ATXN10: variants seen among roughly 807,000 people sequenced by gnomAD.
ATXN10 encodes ataxin-10.
Under a neutral mutation model 52.9 loss-of-function variants are expected in ATXN10, and 28 were observed. That is an observed-to-expected ratio of 0.53 (90% confidence interval 0.39 to 0.73). ATXN10 has a LOEUF of 0.73. ATXN10 is among the 30% of genes least tolerant of loss of function. The pLI is 0.00. For missense variants in ATXN10, 565 were observed against 577.0 expected, an observed-to-expected ratio of 0.98 and a Z score of 0.21; for synonymous variants, 226 against 221.5, an observed-to-expected ratio of 1.02 and a Z score of -0.18.
At position 45,738,814 on chromosome 22, in the gene ATXN10, C is replaced by T. The variant is rs34763958; in HGVS notation, c.978C>T (p.Phe326=). 681 of 1,614,086 alleles carry T rather than the reference C, an allele frequency of 4.2e-4. No individual in the cohort carries two copies. The highest frequency in any genetic ancestry group is 1.5e-3 in the Admixed American group (91 of 60,016). The change falls in exon 8 of 12, where the codon TTC becomes TTT. Residue 326 remains phenylalanine (F), a synonymous_variant. Transcript: ENST00000252934. ...NTELLGYLQV[F]PGLLERVIDL... Reference sequence around the variant, plus strand: ...AGCTGCTCGGCTATCTGCAGGTTTTCCCTGGCTTGCTGGAAAGAGTGATTG... The same window carrying T: ...AGCTGCTCGGCTATCTGCAGGTTTTTCCTGGCTTGCTGGAAAGAGTGATTG...
intron 10 of ATXN10, among the ~76,000 whole-genome samples, chr22:45,821,122 T>C (rs980249245): frequency 6.6e-6 from 1 of 152,174 alleles, no homozygotes; most frequent in African/African-American, 2.4e-5. Context: ...AGGAAAAGCC[T>C]GTAGAAAAGT....
At position 45,805,479 on chromosome 22, in the gene ATXN10, C is replaced by T. The variant is rs1300138909; in HGVS notation, c.1174-1480C>T. ...CCATTAGTGGGTGAATGGAAAAATG[C>T]AATGTGGCATATCCGTACAATGCAC... is the stretch of plus-strand genomic sequence containing the variant. On this transcript the variant is annotated intron_variant, in intron 9 of 11. Coordinates refer to ENST00000252934, the MANE Select transcript of ATXN10 (RefSeq NM_013236.4). The surrounding 1 kb of genome is among the most constrained non-coding windows in gnomAD (Gnocchi z 4.4). Among the ~76,000 whole-genome samples the T allele has an allele frequency of 6.6e-6, 1 of 152,128 alleles. No homozygotes were observed. The highest frequency in any genetic ancestry group is 2.4e-5 in the African/African-American group (1 of 41,408).
chr22:45,804,440 C>T (rs1224904936), intron 9 of ATXN10, among the ~76,000 whole-genome samples: 1 of 152,162 alleles, frequency 6.6e-6, no homozygotes, highest in African/African-American at 2.4e-5. Flanking sequence ...TTTTTCTCTT[C>T]TTCCTGGCCT....
At chr22:45,704,745 T>C (rs993049865) in intron 5 of ATXN10, among the ~76,000 whole-genome samples, 2 of 152,206 alleles carry the variant, frequency 1.3e-5, no homozygotes, top group African/African-American at 4.8e-5. Context: ...TTTTTTTCTT[T>C]CCAGTTGGGT....
intron 3 of ATXN10, among the ~76,000 whole-genome samples, chr22:45,698,258 A>G (rs1299402633): frequency 6.6e-6 from 1 of 152,156 alleles, no homozygotes; most frequent in Non-Finnish European, 1.5e-5. Flanking sequence ...CTTTTCACCG[A>G]CACCATACGA....
rs1355465232 is a variant in ATXN10 at position 45,762,476 on chromosome 22, C to G, written c.1173+21938C>G. Among the ~76,000 whole-genome samples, 1 of 152,170 alleles carries G rather than the reference C, an allele frequency of 6.6e-6. No homozygotes were observed. Among genetic ancestry groups the G allele is most frequent in the Non-Finnish European group, 1.5e-5 (1 of 68,032 alleles). ...TGTTCTGGCTGAGTGTTGGTGGGCT[C>G]CACCCTAGCCGAACCTGTGTCTGCA... On this transcript the variant is annotated intron_variant, in intron 9 of 11. Coordinates refer to ENST00000252934, the MANE Select transcript of ATXN10 (RefSeq NM_013236.4). The surrounding 1 kb of genome is among the most constrained non-coding windows in gnomAD (Gnocchi z 4.3).
intron 10 of ATXN10, among the ~76,000 whole-genome samples, chr22:45,829,070 A>G (rs55985790): frequency 0.014 from 2,104 of 152,332 alleles, 61 homozygotes; most frequent in African/African-American, 0.048. Context: ...GGTTCAACAT[A>G]CTGAAATTGA....
rs1436832430 is a variant in ATXN10, at chr22:45,772,732, G to A, written c.1173+32194G>A. 6.6e-6 allele frequency among the ~76,000 whole-genome samples: 1 copy of A among 152,166 alleles called. No homozygotes were observed. Among genetic ancestry groups the A allele is most frequent in the African/African-American group, 2.4e-5 (1 of 41,430 alleles). On this transcript the variant is annotated intron_variant, in intron 9 of 11. Coordinates refer to ENST00000252934, the MANE Select transcript of ATXN10 (RefSeq NM_013236.4). This position sits in a 1 kb window ranked among gnomAD's most constrained non-coding sequence, Gnocchi z 4.1. ...AGATCTTCTCTGATGTCTTTCATCA[G>A]TGTTTTCTCATTTTCAGCATGTAGA...
rs565459487 is a variant in ATXN10 at position 45,826,449 on chromosome 22, G to A, written c.1238-16542G>A. On this transcript the variant is annotated intron_variant, in intron 10 of 11. Coordinates refer to ENST00000252934, the MANE Select transcript of ATXN10 (RefSeq NM_013236.4). This position sits in a 1 kb window ranked among gnomAD's most constrained non-coding sequence, Gnocchi z 5.0. ...ACGAATATATACAACCAGGAAACTC[G>A]GTGAGCTCCAAGTTAAGATGAACTC... Among the ~76,000 whole-genome samples the A allele has an allele frequency of 1.7e-3, 252 of 152,194 alleles. No homozygotes were observed. Among genetic ancestry groups the A allele is most frequent in the Middle Eastern group, 3.4e-3 (1 of 294 alleles).
intron 7 of ATXN10, chr22:45,734,449 G>C (rs938354877): frequency 4.3e-6 from 1 of 231,872 alleles, no homozygotes; most frequent in African/African-American, 2.3e-5. Flanking sequence ...ATTTATTTCT[G>C]ATGTTCTGTT....
intron 7 of ATXN10, among the ~76,000 whole-genome samples, chr22:45,735,664 A>C (rs1329321306): frequency 6.6e-6 from 1 of 152,196 alleles, no homozygotes; most frequent in South Asian, 2.1e-4. Context: ...CTGTATTAAT[A>C]TAAGTTTTCT....
Position 45,818,950 on chromosome 22 carries a change from A to G in ATXN10, c.1237+11928A>G, listed in dbSNP as rs778267339. Among the ~76,000 whole-genome samples, 1 of 152,264 alleles carries G rather than the reference A, an allele frequency of 6.6e-6. No individual in the cohort carries two copies. Among genetic ancestry groups the G allele is most frequent in the South Asian group, 2.1e-4 (1 of 4,818 alleles). On this transcript the variant is annotated intron_variant, in intron 10 of 11. Transcript: ENST00000252934. This position sits in a 1 kb window ranked among gnomAD's most constrained non-coding sequence, Gnocchi z 4.6. ...TGCACTGTGTCTCTGGCTTCTTTGC[A>G]TGCCTAAAACTTGCGTAGTCTGACA...
intron 7 of ATXN10, among the ~76,000 whole-genome samples, chr22:45,730,344 C>CAAAA (rs138162): frequency 1.3e-5 from 1 of 77,142 alleles, no homozygotes; most frequent in Non-Finnish European, 3.1e-5. Flanking sequence ...ACCCTTGTCT[C>CAAAA]AAAAAAAAAA....
rs970629350 is a variant in ATXN10 at position 45,775,251 on chromosome 22, C to T, written c.1174-31708C>T. 1.3e-5 allele frequency among the ~76,000 whole-genome samples: 2 copies of T among 152,170 alleles called. No homozygotes were observed. The highest frequency in any genetic ancestry group is 2.9e-5 in the Non-Finnish European group (2 of 68,030). ...TGGGAGGGCTGGACATAACAGGAGG[C>T]TACTGGTCCTGGGCATGGGGCTGTG... On this transcript the variant is annotated intron_variant, in intron 9 of 11. Coordinates refer to ENST00000252934, the MANE Select transcript of ATXN10 (RefSeq NM_013236.4). The surrounding 1 kb of genome is among the most constrained non-coding windows in gnomAD (Gnocchi z 4.7).
chr22:45,791,214 A>G (rs1038721341), intron 9 of ATXN10, among the ~76,000 whole-genome samples: 5 of 152,250 alleles, frequency 3.3e-5, no homozygotes, highest in African/African-American at 1.2e-4. Flanking sequence ...CTGTTCTGAT[A>G]GTAAGACTGA....
At chr22:45,773,511 T>C (rs1234974703) in intron 9 of ATXN10, among the ~76,000 whole-genome samples, 1 of 152,016 alleles carries the variant, frequency 6.6e-6, no homozygotes, top group Non-Finnish European at 1.5e-5. Context: ...CAGGCTGGAG[T>C]GCAGTGGTGC....
rs572810206 is a variant in ATXN10 at position 45,748,115 on chromosome 22, G to A, written c.1173+7577G>A. ...GGTTGATTGAGCTCAGTAGGTCGAG[G>A]CTACAGGGAGCCGTGATCGTGCCAC... On this transcript the variant is annotated intron_variant, in intron 9 of 11. Transcript: ENST00000252934. 9.9e-5 allele frequency among the ~76,000 whole-genome samples: 15 copies of A among 152,120 alleles called. No homozygotes were observed. The East Asian group carries it at 2.3e-3, about 23-fold the overall frequency.
rs763812638 is a variant in ATXN10 at position 45,820,652 on chromosome 22, A to G, written c.1237+13630A>G. ...AACTTTTAGATGTGCTCACCTTTTC[A>G]ACTCTTACCATTCTTTAGTCTTAAA... On this transcript the variant is annotated intron_variant, in intron 10 of 11. Coordinates refer to ENST00000252934, the MANE Select transcript of ATXN10 (RefSeq NM_013236.4). The surrounding 1 kb of genome is among the most constrained non-coding windows in gnomAD (Gnocchi z 4.9). 1.3e-5 allele frequency among the ~76,000 whole-genome samples: 2 copies of G among 152,224 alleles called. No individual in the cohort carries two copies. The highest frequency in any genetic ancestry group is 2.9e-5 in the Non-Finnish European group (2 of 68,036).
chr22:45,837,648 A>T lies in ATXN10; in HGVS notation c.1238-5343A>T, dbSNP rs748235030. 6.6e-5 allele frequency among the ~76,000 whole-genome samples: 10 copies of T among 152,248 alleles called. No individual in the cohort carries two copies. Among genetic ancestry groups the T allele is most frequent in the Non-Finnish European group, 1.3e-4 (9 of 68,046 alleles). ...GCACACCTTTTCTGTGAAGGGCCAC[A>T]TAGTAAATATTTTGGCTTTGTAGGC... On this transcript the variant is annotated intron_variant, in intron 10 of 11. Coordinates refer to ENST00000252934, the MANE Select transcript of ATXN10 (RefSeq NM_013236.4). This position sits in a 1 kb window ranked among gnomAD's most constrained non-coding sequence, Gnocchi z 5.8.
Sources: allele counts gnomAD v4.1 joint callset (sites outside exome capture counted in the v4.1 genomes callset), GRCh38; gene constraint gnomAD v4.1.1; non-coding constraint Gnocchi (gnomAD v3.1); transcripts MANE v1.5; gene names NCBI Gene and HGNC (gene_info 2026-07-23, HGNC 2026-07-21).